Variants in IFNG-AS1 observed in about 807,000 individuals in gnomAD.
IFNG-AS1 encodes IFNG regulatory antisense RNA 1.
At chr12:68,016,792 A>G (rs1880165575) in intron 3 of IFNG-AS1, among the ~76,000 whole-genome samples, 2 of 151,958 alleles carry the variant, frequency 1.3e-5, no homozygotes, top group African/African-American at 4.8e-5. Context: ...GCTAAATCCA[A>G]TCGCTTCTTT....
intron 1 of IFNG-AS1, among the ~76,000 whole-genome samples, chr12:67,989,936 A>C (rs891969378): frequency 6.6e-6 from 1 of 152,030 alleles, no homozygotes; most frequent in Non-Finnish European, 1.5e-5. Context: ...GCTTTGATTG[A>C]ACTATTCTAG....
At chr12:68,001,044 A>G (rs889444745) in intron 2 of IFNG-AS1, among the ~76,000 whole-genome samples, 2 of 152,182 alleles carry the variant, frequency 1.3e-5, no homozygotes, top group East Asian at 1.9e-4. Flanking sequence ...TCACTACTCA[A>G]TAGTTACCTC....
chr12:68,020,669 T>C (rs1880265334), intron 4 of IFNG-AS1: 1 of 152,154 alleles, frequency 6.6e-6, no homozygotes. Context: ...TGTTCAAAGC[T>C]TAAGAAATTC....
chr12:68,014,712 C>A (rs200162729), intron 3 of IFNG-AS1, among the ~76,000 whole-genome samples: 1 of 152,046 alleles, frequency 6.6e-6, no homozygotes, highest in Non-Finnish European at 1.5e-5. Flanking sequence ...AGTCTGCCAA[C>A]CTTCTCCATC....
chr12:68,002,218 CCCT>C (rs1261583971), intron 2 of IFNG-AS1, among the ~76,000 whole-genome samples: 3 of 152,188 alleles, frequency 2.0e-5, no homozygotes, highest in Non-Finnish European at 4.4e-5. Flanking sequence ...CAGGGCCAAG[CCCT>C]CCTCCTAAAC....
At chr12:68,003,265 G>A (rs369582726) in intron 2 of IFNG-AS1, among the ~76,000 whole-genome samples, 43 of 151,982 alleles carry the variant, frequency 2.8e-4, no homozygotes, top group African/African-American at 1.0e-3. Flanking sequence ...TGTTTAACGG[G>A]TATATGAAAA....
chr12:67,996,565 A>C (rs925192414), intron 2 of IFNG-AS1, among the ~76,000 whole-genome samples: 3 of 152,194 alleles, frequency 2.0e-5, no homozygotes, highest in Non-Finnish European at 4.4e-5. Flanking sequence ...TTCATCTAGC[A>C]GTCTGCCTTC....
chr12:68,007,729 A>G (rs1476877907), intron 3 of IFNG-AS1, among the ~76,000 whole-genome samples: 1 of 152,240 alleles, frequency 6.6e-6, no homozygotes, highest in East Asian at 1.9e-4. Flanking sequence ...TTTACACAAT[A>G]AAATAGAAGG....
At chr12:67,992,578 A>G (rs1353428737) in intron 1 of IFNG-AS1, among the ~76,000 whole-genome samples, 2 of 152,160 alleles carry the variant, frequency 1.3e-5, no homozygotes, top group Non-Finnish European at 2.9e-5. Context: ...ATCCTTTTCA[A>G]TTTGATAGGT....
intron 3 of IFNG-AS1, among the ~76,000 whole-genome samples, chr12:68,009,571 G>T (rs928812580): frequency 2.6e-5 from 4 of 152,140 alleles, no homozygotes; most frequent in Admixed American, 2.0e-4. Context: ...TCGATCTCTT[G>T]GCCTCGTGAT....
At chr12:67,998,051 T>C (rs1263717728) in intron 2 of IFNG-AS1, among the ~76,000 whole-genome samples, 2 of 151,674 alleles carry the variant, frequency 1.3e-5, no homozygotes, top group African/African-American at 4.8e-5. Context: ...TGTCAAGTGG[T>C]ACAAGCTTTA....
chr12:68,015,116 G>C (rs777140508), intron 3 of IFNG-AS1, among the ~76,000 whole-genome samples: 1 of 152,094 alleles, frequency 6.6e-6, no homozygotes, highest in South Asian at 2.1e-4. Context: ...AGAAGGAAGA[G>C]CTCAAAACAC....
At chr12:67,990,655 G>A (rs1180609333) in intron 1 of IFNG-AS1, among the ~76,000 whole-genome samples, 2 of 151,508 alleles carry the variant, frequency 1.3e-5, no homozygotes, top group Non-Finnish European at 2.9e-5. Context: ...GTGCAGTGGC[G>A]CGATCTCAGC....
intron 3 of IFNG-AS1, among the ~76,000 whole-genome samples, chr12:68,017,399 G>C (rs1880179868): frequency 1.3e-5 from 2 of 152,104 alleles, no homozygotes; most frequent in Non-Finnish European, 1.5e-5. Context: ...AATTAGAAGG[G>C]GATTAGAAGG....
chr12:67,990,596 T>C (rs1879484960), intron 1 of IFNG-AS1, among the ~76,000 whole-genome samples: 1 of 134,342 alleles, frequency 7.4e-6, no homozygotes, highest in Admixed American at 8.3e-5. Flanking sequence ...AATACATTAA[T>C]ACTTTTTTTT....
At chr12:68,009,498 C>T (rs540249055) in intron 3 of IFNG-AS1, among the ~76,000 whole-genome samples, 13 of 152,202 alleles carry the variant, frequency 8.5e-5, no homozygotes, top group South Asian at 6.2e-4. Context: ...CCCGCCACCA[C>T]GCCCAGCTAA....
intron 1 of IFNG-AS1, among the ~76,000 whole-genome samples, chr12:67,994,814 T>C (rs896140407): frequency 3.9e-5 from 6 of 152,230 alleles, no homozygotes; most frequent in African/African-American, 1.4e-4. Flanking sequence ...ATTTAAAGTA[T>C]GGACCCTGGA....
chr12:68,005,248 T>TA (rs762610446), intron 2 of IFNG-AS1, among the ~76,000 whole-genome samples: 7 of 152,186 alleles, frequency 4.6e-5, no homozygotes, highest in Non-Finnish European at 7.3e-5. Flanking sequence ...CAATTTGAGT[T>TA]AAAACTGCAG....
chr12:68,000,076 T>C (rs1203202228), intron 2 of IFNG-AS1, among the ~76,000 whole-genome samples: 1 of 152,212 alleles, frequency 6.6e-6, no homozygotes, highest in African/African-American at 2.4e-5. Context: ...TTGGCAAATG[T>C]TGAATAAGGT....
Sources: gnomAD v4.1 joint callset for allele counts (sites outside exome capture counted in the v4.1 genomes callset) on GRCh38, gnomAD v4.1.1 for gene constraint, MANE v1.5 for transcripts, NCBI Gene and HGNC (gene_info 2026-07-23, HGNC 2026-07-21) for gene names.